Variants in PANK1 observed in about 807,000 individuals in gnomAD.
PANK1 encodes the protein pantothenic acid kinase 1.
Under a neutral mutation model 40.1 loss-of-function variants are expected in PANK1, and 18 were observed. That is an observed-to-expected ratio of 0.45 (90% CI 0.31 to 0.67). The LOEUF (loss-of-function observed/expected upper bound fraction) is 0.67, where lower values mean the gene tolerates loss of function less well. Ranked by LOEUF, PANK1 falls within the 30% of genes least tolerant of loss-of-function variation. The probability of loss-of-function intolerance (pLI) is 0.06; values close to 1 mark genes in which losing one functional copy is unlikely to be tolerated. For missense variants in PANK1, 457 were observed against 599.6 expected (o/e 0.76, Z 2.48); for synonymous variants, 242 against 237.7 (o/e 1.02, Z -0.17).
chr10:89,599,015 T>C (rs1844694801), intron 3 of PANK1: 1 of 468,076 alleles, frequency 2.1e-6, no homozygotes, highest in Non-Finnish European at 3.8e-6. Flanking sequence ...TTCTGGTGTG[T>C]GCGATCCTTC....
At chr10:89,599,619 C>T in intron 2 of PANK1, 114 bp from the exon 3 acceptor site, 2 of 1,018,334 alleles carry the variant, frequency 2.0e-6, no homozygotes, top group South Asian at 3.3e-5. Flanking sequence ...ATGGAGACAC[C>T]CTTAAAACAA....
chr10:89,591,693 CAT>C (rs1403430489), intron 5 of PANK1, among the ~76,000 whole-genome samples: 1 of 152,214 alleles, frequency 6.6e-6, no homozygotes, highest in East Asian at 1.9e-4. Flanking sequence ...CCCACAGAAA[CAT>C]ATAAAATAGT....
chr10:89,584,305 A>G lies in PANK1; in HGVS notation c.*101T>C. 2.7e-6 allele frequency: 2 copies of G among 745,978 alleles called. No individual in the cohort carries two copies. The highest frequency in any genetic ancestry group is 4.9e-6 in the Non-Finnish European group (2 of 409,692). The allele number at this position is 745,978 out of a possible 1,614,324, so 46.2% of individuals were successfully genotyped here. ...TACAAATCCAGCAGGTTCATCTGCC[A>G]TAATGGCTTGGCTTCCGTCCCAAAG... On this transcript the variant is annotated 3_prime_UTR_variant, in exon 7 of 7. Coordinates refer to ENST00000307534, the MANE Select transcript of PANK1 (RefSeq NM_148977.3).
chr10:89,584,668 T>C (rs182924605), intron 6 of PANK1, among the ~76,000 whole-genome samples: 33 of 152,334 alleles, frequency 2.2e-4, no homozygotes, highest in Non-Finnish European at 4.1e-4. Context: ...ATGTAAATGC[T>C]TAGAACTATG....
chr10:89,611,164 C>A (rs1845140372), intron 2 of PANK1, among the ~76,000 whole-genome samples: 1 of 152,148 alleles, frequency 6.6e-6, no homozygotes, highest in South Asian at 2.1e-4. Flanking sequence ...TGAAGGAATT[C>A]ACTGATAAGT....
chr10:89,641,036 A>AAGTG (rs1841954571), intron 1 of PANK1, among the ~76,000 whole-genome samples: 1 of 152,216 alleles, frequency 6.6e-6, no homozygotes, highest in Non-Finnish European at 1.5e-5. Context: ...TGTACAATTC[A>AAGTG]TAGCTTAATT....
chr10:89,609,460 T>C (rs955189970), intron 2 of PANK1, among the ~76,000 whole-genome samples: 1 of 152,370 alleles, frequency 6.6e-6, no homozygotes, highest in African/African-American at 2.4e-5. Flanking sequence ...TAACAGTACT[T>C]GGTGCACTGA....
At chr10:89,606,456 TTAATGTTA>T (rs1844968556) in intron 2 of PANK1, among the ~76,000 whole-genome samples, 1 of 152,242 alleles carries the variant, frequency 6.6e-6, no homozygotes, top group South Asian at 2.1e-4. Flanking sequence ...ATCTTGCACT[TTAATGTTA>T]TGGACATGGC....
Position 89,638,898 on chromosome 10 carries a change from A to G in PANK1, c.292+5702T>C, listed in dbSNP as rs112709515. Among the ~76,000 whole-genome samples the G allele has an allele frequency of 4.4e-3, 675 of 152,350 alleles. 6 individuals are homozygous for G. The highest frequency in any genetic ancestry group is 0.015 in the African/African-American group (619 of 41,584). On this transcript the variant is annotated intron_variant, in intron 1 of 6. Coordinates refer to ENST00000307534, the MANE Select transcript of PANK1 (RefSeq NM_148977.3). ...CCTCTTCTCAGCCTTCACCAGAACC[A>G]CATTTAATGCTCTGTTCATAGCAAC... is the stretch of plus-strand genomic sequence containing the variant.
chr10:89,613,465 G>A (rs1033800971), intron 1 of PANK1, among the ~76,000 whole-genome samples: 1 of 152,136 alleles, frequency 6.6e-6, no homozygotes, highest in Admixed American at 6.5e-5. Context: ...GGAGTGCCTA[G>A]CAGGAAACCA....
intron 1 of PANK1, among the ~76,000 whole-genome samples, chr10:89,632,478 C>G (rs1400464042): frequency 6.6e-6 from 1 of 151,558 alleles, no homozygotes; most frequent in East Asian, 1.9e-4. Context: ...CAACTAAGGC[C>G]AGGTTTATAT....
intron 1 of PANK1, among the ~76,000 whole-genome samples, chr10:89,629,085 ATTAT>A (rs1218449302): frequency 3.3e-5 from 5 of 152,254 alleles, no homozygotes; most frequent in Non-Finnish European, 5.9e-5. Flanking sequence ...ATGTATAGTT[ATTAT>A]TTGTCAATTT....
chr10:89,607,693 C>T (rs976886594), intron 2 of PANK1, among the ~76,000 whole-genome samples: 24 of 152,074 alleles, frequency 1.6e-4, no homozygotes, highest in African/African-American at 4.8e-4. Context: ...CTTGAGAATA[C>T]GGTTGTTGAA....
chr10:89,631,798 AG>A (rs1023345321), intron 1 of PANK1, among the ~76,000 whole-genome samples: 5 of 152,230 alleles, frequency 3.3e-5, no homozygotes, highest in Non-Finnish European at 5.9e-5. Flanking sequence ...AGGATTCTCC[AG>A]GGGCAACACA....
intron 1 of PANK1, 52 bp from the exon 2 acceptor site, chr10:89,612,100 G>A: frequency 6.9e-7 from 1 of 1,439,392 alleles, no homozygotes; most frequent in Non-Finnish European, 9.5e-7. Flanking sequence ...GCAAAGAAGT[G>A]TTCAGTTTTT....
At chr10:89,605,616 T>C (rs1022439971) in intron 2 of PANK1, among the ~76,000 whole-genome samples, 1 of 152,228 alleles carries the variant, frequency 6.6e-6, no homozygotes, top group African/African-American at 2.4e-5. Flanking sequence ...AGTTCTACCA[T>C]ATCTGCGGTT....
intron 3 of PANK1, among the ~76,000 whole-genome samples, chr10:89,595,827 AAAAAAAATATATATATAT>A (rs1486076775): frequency 1.4e-4 from 10 of 71,378 alleles, no homozygotes; most frequent in African/African-American, 6.2e-4. Context: ...AAAAAAAAAA[AAAAAAAATATATATATAT>A]ATATATATAT....
chr10:89,641,032 A>AAC (rs1841954333), intron 1 of PANK1, among the ~76,000 whole-genome samples: 1 of 152,188 alleles, frequency 6.6e-6, no homozygotes, highest in Non-Finnish European at 1.5e-5. Flanking sequence ...GTATTGTACA[A>AAC]TTCATAGCTT....
chr10:89,627,661 T>C (rs943119403), intron 1 of PANK1, among the ~76,000 whole-genome samples: 10 of 151,900 alleles, frequency 6.6e-5, no homozygotes, highest in Non-Finnish European at 1.5e-4. Flanking sequence ...TGGGAAGGAG[T>C]GAAAACTCTG....
Sources: gnomAD v4.1 joint callset for allele counts (sites outside exome capture counted in the v4.1 genomes callset) on GRCh38, gnomAD v4.1.1 for gene constraint, MANE v1.5 for transcripts, NCBI Gene and HGNC (gene_info 2026-07-23, HGNC 2026-07-21) for gene names.